The following BICRA variants were observed in gnomAD, a reference collection of about 807,000 sequenced individuals.
BICRA encodes the protein BRD4 interacting chromatin remodeling complex associated protein.
In BICRA, 31 loss-of-function variants were observed where a neutral mutation model predicts 96.9. The ratio of observed to expected loss-of-function variants is 0.32; its 90% CI spans 0.24 to 0.43. The LOEUF (loss-of-function observed/expected upper bound fraction) is 0.43. Ranked by LOEUF, BICRA falls within the 20% of genes least tolerant of loss-of-function variation. The pLI is 1.00. For synonymous variants in BICRA, 1,350 were observed against 1,071.8 expected, an observed-to-expected ratio of 1.26 and a Z score of -5.07; for missense variants, 2,283 against 2,190.3, an observed-to-expected ratio of 1.04 and a Z score of -0.84.
intron 1 of BICRA, among the ~76,000 whole-genome samples, chr19:47,631,645 G>A (rs575621103): frequency 1.3e-5 from 2 of 152,248 alleles, no homozygotes; most frequent in South Asian, 4.1e-4. Context: ...GATTACAGAT[G>A]TGAGCCACCG....
chr19:47,671,371 C>G (rs1425372890), intron 2 of BICRA, among the ~76,000 whole-genome samples: 1 of 152,080 alleles, frequency 6.6e-6, no homozygotes, highest in Non-Finnish European at 1.5e-5. Context: ...TGACCCGTGG[C>G]AGTTGTCACA....
chr19:47,639,629 ATT>A (rs55946534), intron 1 of BICRA, among the ~76,000 whole-genome samples: 151 of 105,804 alleles, frequency 1.4e-3, no homozygotes, highest in Middle Eastern at 6.0e-3. Flanking sequence ...CGGCCAGCCA[ATT>A]TTTTTTTTTT....
At chr19:47,651,207 G>A (rs1887851456) in intron 1 of BICRA, among the ~76,000 whole-genome samples, 3 of 151,954 alleles carry the variant, frequency 2.0e-5, no homozygotes, top group Admixed American at 6.6e-5. Context: ...GCCCTGTCCG[G>A]AGCCCTCCCT....
Position 47,695,053 on chromosome 19 carries a change from C to A in BICRA, c.3049C>A (p.Pro1017Thr). 6.7e-7 allele frequency: 1 copy of A among 1,498,902 alleles called. No individual in the cohort carries two copies. Among genetic ancestry groups the A allele is most frequent in the Non-Finnish European group, 8.8e-7 (1 of 1,134,784 alleles). The allele number at this position is 1,498,902 out of a possible 1,614,324, so 92.9% of individuals were successfully genotyped here. ...GACCCCCACTGCCCCCAGCCACGCC[C>A]CCGCCCCGGCACCCATGGCCGCCAC... Reference protein sequence around the residue: ...SGTPTAPSHAPAPAPMAATGL... With the variant: ...SGTPTAPSHATAPAPMAATGL... Residue 1017 changes from proline (P) to threonine (T), a missense_variant, in exon 9 of 15, where the codon CCC becomes ACC. Physicochemically the swap from Pro to Thr is conservative, Grantham distance 38. Coordinates refer to ENST00000594866, the MANE Select transcript of BICRA (RefSeq NM_001394372.1).
intron 1 of BICRA, among the ~76,000 whole-genome samples, chr19:47,661,452 G>A (rs1972704070): frequency 6.6e-6 from 1 of 151,948 alleles, no homozygotes; most frequent in Admixed American, 6.6e-5. Context: ...GCGGGGAGGA[G>A]CAGAGGCCAG....
rs1599876684 is a variant in BICRA at position 47,702,396 on chromosome 19, C to T, written c.4664C>T (p.Ala1555Val). ...TCCAGTCACAACGGTGGCCTCGGCG[C>T]CAGGACGTTGACCAGATAACACCGG... ...PPSSHNGGLG[A>V]RTLTR Residue 1555 changes from alanine (A) to valine (V), a missense_variant, in exon 15 of 15, where the codon GCC (alanine) becomes GTC (valine). Ala to Val is a moderately conservative substitution (Grantham distance 64, BLOSUM62 0). Coordinates refer to ENST00000594866, the MANE Select transcript of BICRA (RefSeq NM_001394372.1). 6.6e-7 allele frequency: 1 copy of T among 1,517,046 alleles called. No homozygotes were observed. The allele number at this position is 1,517,046 out of a possible 1,614,324, so 94.0% of individuals were successfully genotyped here.
intron 1 of BICRA, among the ~76,000 whole-genome samples, chr19:47,618,193 A>G (rs930965627): frequency 2.0e-5 from 3 of 152,164 alleles, no homozygotes; most frequent in Non-Finnish European, 2.9e-5. Context: ...AATCGTCCTC[A>G]TAAAGGAAGA....
chr19:47,677,155 A>G (rs1457173453), intron 5 of BICRA, among the ~76,000 whole-genome samples: 1 of 152,156 alleles, frequency 6.6e-6, no homozygotes, highest in Non-Finnish European at 1.5e-5. Flanking sequence ...GAGAATCACA[A>G]TAATAATGAG....
At chr19:47,697,318 G>A (rs1013340739) in intron 11 of BICRA, among the ~76,000 whole-genome samples, 9 of 151,488 alleles carry the variant, frequency 5.9e-5, no homozygotes, top group South Asian at 2.1e-4. Flanking sequence ...ATATAAGTCC[G>A]GGGGGCAGAG....
chr19:47,643,434 C>A (rs540109506), intron 1 of BICRA, among the ~76,000 whole-genome samples: 7 of 152,212 alleles, frequency 4.6e-5, no homozygotes, highest in Non-Finnish European at 7.3e-5. Context: ...TCAGTCCAGG[C>A]CCTGGAGGGG....
Position 47,673,808 on chromosome 19 carries a change from C to CT in BICRA, c.84+47dup, listed in dbSNP as rs775327487. The CT allele has an allele frequency of 9.3e-6, 14 of 1,511,022 alleles. No individual in the cohort carries two copies. The East Asian group carries it at 3.2e-4, about 34-fold the overall frequency. 93.6% of individuals were successfully genotyped at this position (1,511,022 alleles called of 1,614,324 possible). A position where few individuals can be genotyped will look rare whatever the true frequency, so the allele number is the denominator to read the frequency against. On this transcript the variant is annotated intron_variant, in intron 4 of 14. Transcript: ENST00000594866. The stretch of plus-strand genomic sequence containing the variant: ...AGGCATTCCCTGAGTGGGGGGCTGT[C>CT]TAATTGGGAGTGAGGGACAGGGAGA...
At chr19:47,644,844 G>C (rs1310287012) in intron 1 of BICRA, among the ~76,000 whole-genome samples, 1 of 152,116 alleles carries the variant, frequency 6.6e-6, no homozygotes, top group African/African-American at 2.4e-5. Flanking sequence ...TAGAGCAAAA[G>C]GTTTTCTGTC....
intron 1 of BICRA, among the ~76,000 whole-genome samples, chr19:47,645,900 C>A (rs1400028048): frequency 2.0e-5 from 3 of 152,076 alleles, no homozygotes; most frequent in Non-Finnish European, 2.9e-5. Flanking sequence ...AGTTCAAGAC[C>A]AGCCTGAGCA....
Position 47,680,987 on chromosome 19 carries a change from C to T in BICRA, c.1817C>T (p.Ala606Val), listed in dbSNP as rs1973041859. Residue 606 changes from alanine to valine, a missense_variant, in exon 6 of 15, where the codon GCC becomes GTC. Ala to Val is a moderately conservative substitution (Grantham distance 64). Coordinates refer to ENST00000594866, the MANE Select transcript of BICRA (RefSeq NM_001394372.1). ...ACCCCCGACGGCCTGGTGCAGCCGG[C>T]CACCCCTGCCGCTGCCACCGGGGAG... ...LNTPDGLVQPATPAAATGEAA... is the reference protein window; with the variant it reads ...LNTPDGLVQPVTPAAATGEAA... The T allele has an allele frequency of 3.4e-6, 5 of 1,463,488 alleles. No homozygotes were observed. The highest frequency in any genetic ancestry group is 3.6e-6 in the Non-Finnish European group (4 of 1,116,790). 90.7% of individuals were successfully genotyped at this position (1,463,488 alleles called of 1,614,324 possible).
At chr19:47,647,883 C>T (rs1165073336) in intron 1 of BICRA, among the ~76,000 whole-genome samples, 2 of 138,108 alleles carry the variant, frequency 1.4e-5, no homozygotes, top group Non-Finnish European at 3.0e-5. Context: ...ATATGGAGAC[C>T]GTAGTTCGCG....
intron 1 of BICRA, among the ~76,000 whole-genome samples, chr19:47,635,892 G>A (rs1202615659): frequency 6.6e-6 from 1 of 152,130 alleles, no homozygotes; most frequent in Admixed American, 6.5e-5. Flanking sequence ...TTAACTACAA[G>A]TTGAGCATCC....
intron 7 of BICRA, among the ~76,000 whole-genome samples, chr19:47,693,356 C>T (rs1199980695): frequency 5.3e-5 from 8 of 152,246 alleles, no homozygotes; most frequent in East Asian, 1.9e-4. Context: ...TCTGGTACGT[C>T]GTGCACACGC....
In BICRA at chr19:47,699,114, C is replaced by T. The variant is rs887689915; in HGVS notation, c.3492+55C>T. On this transcript the variant is annotated intron_variant, in intron 13 of 14. Coordinates refer to ENST00000594866, the MANE Select transcript of BICRA (RefSeq NM_001394372.1). This position sits in a 1 kb window ranked among gnomAD's most constrained non-coding sequence, Gnocchi z 5.0. ...GGGCTCCTCCTCGCTGGGACACTGCCCCTTTCCCTCACCCGCTCTGGGCAA... is the reference window on the plus strand; with the variant it reads ...GGGCTCCTCCTCGCTGGGACACTGCTCCTTTCCCTCACCCGCTCTGGGCAA... 1.3e-5 allele frequency: 16 copies of T among 1,239,698 alleles called. No individual in the cohort carries two copies. Among genetic ancestry groups the T allele is most frequent in the Non-Finnish European group, 1.8e-5 (16 of 867,122 alleles). The allele number at this position is 1,239,698 out of a possible 1,614,324, so 76.8% of individuals were successfully genotyped here.
chr19:47,644,117 C>T (rs2123538967), intron 1 of BICRA, among the ~76,000 whole-genome samples: 1 of 152,144 alleles, frequency 6.6e-6, no homozygotes, highest in South Asian at 2.1e-4. Context: ...CTGCTGGGCT[C>T]AAGGGATCCT....
Sources: gnomAD v4.1 joint callset for allele counts (sites outside exome capture counted in the v4.1 genomes callset) on GRCh38, gnomAD v4.1.1 for gene constraint, Gnocchi (gnomAD v3.1) non-coding constraint, MANE v1.5 for transcripts, NCBI Gene and HGNC (gene_info 2026-07-23, HGNC 2026-07-21) for gene names.